Variants in DLGAP2 observed in about 807,000 individuals in gnomAD.
The protein encoded by DLGAP2 is DLG associated protein 2.
In DLGAP2, 26 loss-of-function variants were observed where a neutral mutation model predicts 100.3. That is an observed-to-expected ratio of 0.26 (90% CI 0.19 to 0.36). The LOEUF (loss-of-function observed/expected upper bound fraction) is 0.36, where lower values mean the gene tolerates loss of function less well. DLGAP2 is among the 10% of genes least tolerant of loss of function. The pLI, the probability that DLGAP2 is intolerant of heterozygous loss-of-function variation, is 1.00. For missense variants in DLGAP2, 1,858 were observed against 1,453.2 expected (o/e 1.28, Z -4.53); for synonymous variants, 886 against 630.1 (o/e 1.41, Z -6.08).
chr8:1,585,670 G>A (rs1005518843), intron 6 of DLGAP2, among the ~76,000 whole-genome samples: 19 of 152,176 alleles, frequency 1.2e-4, no homozygotes, highest in East Asian at 1.9e-4. Context: ...CTAGAGATGC[G>A]TCTCTGGAAA....
chr8:859,590 G>T (rs1018106979), intron 1 of DLGAP2, among the ~76,000 whole-genome samples: 1 of 152,182 alleles, frequency 6.6e-6, no homozygotes, highest in East Asian at 1.9e-4. Flanking sequence ...AAACCTGCTG[G>T]GGGAGGCTGG....
intron 3 of DLGAP2, among the ~76,000 whole-genome samples, chr8:1,316,035 C>G (rs1212347643): frequency 2.2e-4 from 31 of 138,662 alleles, no homozygotes; most frequent in African/African-American, 7.2e-4. Context: ...ACTCGAGACA[C>G]TTGGCAGCTT....
intron 3 of DLGAP2, among the ~76,000 whole-genome samples, chr8:1,326,961 A>C (rs17063831): frequency 0.018 from 2,672 of 152,324 alleles, 88 homozygotes; most frequent in African/African-American, 0.061. Context: ...GCCAGCATAA[A>C]ATGTCTTGAG....
At chr8:1,472,570 G>C (rs568300657) in intron 3 of DLGAP2, among the ~76,000 whole-genome samples, 1 of 152,108 alleles carries the variant, frequency 6.6e-6, no homozygotes, top group Non-Finnish European at 1.5e-5. Context: ...CAGTGGAGAC[G>C]CTGAGGTCAG....
chr8:1,103,273 G>T (rs1391227100), intron 2 of DLGAP2, among the ~76,000 whole-genome samples: 1 of 152,216 alleles, frequency 6.6e-6, no homozygotes, highest in African/African-American at 2.4e-5. Flanking sequence ...GATTCATGTG[G>T]ACCCACCATG....
At chr8:1,382,218 AT>A (rs1340934604) in intron 3 of DLGAP2, among the ~76,000 whole-genome samples, 1 of 152,226 alleles carries the variant, frequency 6.6e-6, no homozygotes, top group Non-Finnish European at 1.5e-5. Flanking sequence ...GAGAAAGAAA[AT>A]GTTATGAAAA....
intron 3 of DLGAP2, among the ~76,000 whole-genome samples, chr8:1,287,762 C>CGTGTGT (rs1333923540): frequency 2.6e-4 from 8 of 30,278 alleles, no homozygotes; most frequent in Non-Finnish European, 3.3e-4. Context: ...TTTGGTTCAG[C>CGTGTGT]GTGTGTGTGT....
At chr8:864,044 G>A (rs981031557) in intron 1 of DLGAP2, among the ~76,000 whole-genome samples, 4 of 152,192 alleles carry the variant, frequency 2.6e-5, no homozygotes, top group African/African-American at 9.7e-5. Flanking sequence ...TGTCATTTGC[G>A]GCAACGTGGA....
chr8:773,815 C>A (rs1223105468), intron 1 of DLGAP2, among the ~76,000 whole-genome samples: 1 of 152,122 alleles, frequency 6.6e-6, no homozygotes, highest in African/African-American at 2.4e-5. Flanking sequence ...CATACATGTG[C>A]ATGTGTCTTT....
At chr8:1,196,649 G>A (rs62486888) in intron 2 of DLGAP2, among the ~76,000 whole-genome samples, 1 of 152,182 alleles carries the variant, frequency 6.6e-6, no homozygotes, top group African/African-American at 2.4e-5. Flanking sequence ...GATGAAAAGA[G>A]TAATTTGAAA....
intron 2 of DLGAP2, among the ~76,000 whole-genome samples, chr8:1,072,605 T>C (rs1803469448): frequency 6.6e-6 from 1 of 152,134 alleles, no homozygotes; most frequent in Non-Finnish European, 1.5e-5. Flanking sequence ...TGGGTGTGTG[T>C]TCAGTGAAGG....
chr8:1,460,837 C>T (rs948949492), intron 3 of DLGAP2, among the ~76,000 whole-genome samples: 10 of 152,146 alleles, frequency 6.6e-5, no homozygotes, highest in African/African-American at 9.7e-5. Flanking sequence ...GGAGACCAGC[C>T]CTACTCATCT....
chr8:1,037,967 T>C (rs1802183969), intron 2 of DLGAP2, among the ~76,000 whole-genome samples: 1 of 152,058 alleles, frequency 6.6e-6, no homozygotes, highest in South Asian at 2.1e-4. Flanking sequence ...TAAGCTGAGG[T>C]TTTGTAGACA....
At chr8:921,997 C>G (rs955588359) in intron 2 of DLGAP2, among the ~76,000 whole-genome samples, 1 of 152,228 alleles carries the variant, frequency 6.6e-6, no homozygotes, top group Non-Finnish European at 1.5e-5. Flanking sequence ...CGGCAAATAT[C>G]TGGGTGGGAC....
At chr8:1,473,416 G>T (rs1014102586) in intron 3 of DLGAP2, among the ~76,000 whole-genome samples, 2 of 152,208 alleles carry the variant, frequency 1.3e-5, no homozygotes, top group African/African-American at 4.8e-5. Flanking sequence ...GGGGCTGGAG[G>T]CGAAGGTGTT....
In DLGAP2 at chr8:836,357, C is replaced by T. The variant is rs192749773; in HGVS notation, c.19-71555C>T. On this transcript the variant is annotated intron_variant, in intron 1 of 14. Coordinates refer to ENST00000637795, the MANE Select transcript of DLGAP2 (RefSeq NM_001346810.2). Reference sequence around the variant, plus strand: ...TTGGTCCTGGGCCCTGCCTTGCGGGCGTCCGTGGGATAGCAGGTCTTGGGG... The same window carrying T: ...TTGGTCCTGGGCCCTGCCTTGCGGGTGTCCGTGGGATAGCAGGTCTTGGGG... Among the ~76,000 whole-genome samples, 867 of 152,262 alleles carry T rather than the reference C, an allele frequency of 5.7e-3. 8 individuals are homozygous for T. The highest frequency in any genetic ancestry group is 0.02 in the African/African-American group (814 of 41,564).
At chr8:1,687,327 G>A (rs1188631134) in intron 12 of DLGAP2, among the ~76,000 whole-genome samples, 1 of 152,204 alleles carries the variant, frequency 6.6e-6, no homozygotes. Context: ...GTACATGGAA[G>A]GCAAGGGTTC....
At chr8:1,486,948 G>A (rs1036668936) in intron 3 of DLGAP2, among the ~76,000 whole-genome samples, 11 of 152,180 alleles carry the variant, frequency 7.2e-5, no homozygotes, top group Non-Finnish European at 5.9e-5. Context: ...CAGCCACGTG[G>A]GGAGGTTGAA....
intron 6 of DLGAP2, among the ~76,000 whole-genome samples, chr8:1,583,614 T>C (rs549818294): frequency 2.0e-5 from 3 of 152,190 alleles, no homozygotes; most frequent in Non-Finnish European, 4.4e-5. Context: ...AGCCACTTCC[T>C]GTGTTTCTAA....
Sources: allele counts gnomAD v4.1 joint callset (sites outside exome capture counted in the v4.1 genomes callset), GRCh38; gene constraint gnomAD v4.1.1; transcripts MANE v1.5; gene names NCBI Gene and HGNC (gene_info 2026-07-23, HGNC 2026-07-21).